ADGRL2: variants seen among roughly 807,000 people sequenced by gnomAD.
ADGRL2 encodes the protein calcium-independent alpha-latrotoxin receptor 2.
In ADGRL2, 44 loss-of-function variants were observed where a neutral mutation model predicts 157.4. That is an observed-to-expected ratio of 0.28 (90% confidence interval 0.22 to 0.36). ADGRL2 has a LOEUF of 0.36. ADGRL2 is among the 10% of genes least tolerant of loss of function. The pLI is 1.00. For missense variants in ADGRL2, 1,510 were observed against 1,768.9 expected (o/e 0.85, Z 2.63); for synonymous variants, 585 against 624.7 (o/e 0.94, Z 0.95).
chr1:81,581,650 G>A (rs1030973602), intron 3 of ADGRL2, among the ~76,000 whole-genome samples: 7 of 152,050 alleles, frequency 4.6e-5, no homozygotes, highest in Non-Finnish European at 8.8e-5. Flanking sequence ...GTGTTTCTGA[G>A]GAAAGCACAA....
intron 1 of ADGRL2, among the ~76,000 whole-genome samples, chr1:81,381,545 C>T (rs978862819): frequency 6.6e-6 from 1 of 152,188 alleles, no homozygotes; most frequent in Admixed American, 6.5e-5. Flanking sequence ...TGCACTCCAG[C>T]CTTGGGGGCA....
chr1:81,918,052 A>C (rs2094898818), intron 3 of ADGRL2, among the ~76,000 whole-genome samples: 1 of 152,154 alleles, frequency 6.6e-6, no homozygotes, highest in Non-Finnish European at 1.5e-5. Flanking sequence ...ATGGTGGCTT[A>C]GGAATAGCCA....
intron 4 of ADGRL2, among the ~76,000 whole-genome samples, chr1:81,939,301 C>A (rs1444906125): frequency 6.6e-6 from 1 of 151,352 alleles, no homozygotes; most frequent in African/African-American, 2.4e-5. Flanking sequence ...ATTGTCATTG[C>A]CAGACTGTTA....
intron 2 of ADGRL2, among the ~76,000 whole-genome samples, chr1:81,880,276 T>C (rs925996373): frequency 4.6e-5 from 7 of 152,318 alleles, no homozygotes; most frequent in African/African-American, 1.7e-4. Context: ...CTCAAATAGT[T>C]GGACACTTTC....
intron 3 of ADGRL2, among the ~76,000 whole-genome samples, chr1:81,613,620 G>A (rs965934263): frequency 6.6e-6 from 1 of 152,144 alleles, no homozygotes. Context: ...CTCCTACTGC[G>A]GGACTAAGAA....
chr1:81,618,485 A>C (rs2081712893), intron 3 of ADGRL2, among the ~76,000 whole-genome samples: 1 of 152,226 alleles, frequency 6.6e-6, no homozygotes, highest in African/African-American at 2.4e-5. Flanking sequence ...AAAGGCAGAA[A>C]GGGGACCATA....
At chr1:81,872,126 G>A (rs1426720964) in intron 2 of ADGRL2, among the ~76,000 whole-genome samples, 2 of 152,274 alleles carry the variant, frequency 1.3e-5, no homozygotes. Context: ...TAAGGAAAGG[G>A]ATCCAGTTTC....
chr1:81,778,765 G>C (rs1347152705), intron 2 of ADGRL2, among the ~76,000 whole-genome samples: 2 of 152,070 alleles, frequency 1.3e-5, no homozygotes, highest in African/African-American at 2.4e-5. Flanking sequence ...ATAATTCATA[G>C]CGGTCAAGAG....
intron 2 of ADGRL2, among the ~76,000 whole-genome samples, chr1:81,580,469 C>G (rs1023163521): frequency 6.6e-6 from 1 of 151,664 alleles, no homozygotes; most frequent in Non-Finnish European, 1.5e-5. Flanking sequence ...ATGCTGGGTG[C>G]CCAGTTTTTG....
intron 1 of ADGRL2, among the ~76,000 whole-genome samples, chr1:81,803,217 C>G (rs1207924311): frequency 6.6e-6 from 1 of 151,978 alleles, no homozygotes; most frequent in Non-Finnish European, 1.5e-5. Context: ...GCTGCCCGAG[C>G]GTGGGCTCCT....
rs569911648 is a variant in ADGRL2 at position 81,443,201 on chromosome 1, A to G, written c.-301-1835A>G. 1.9e-3 allele frequency among the ~76,000 whole-genome samples: 282 copies of G among 152,288 alleles called. 1 individual carries two copies. The highest frequency in any genetic ancestry group is 6.5e-3 in the African/African-American group (271 of 41,554). ...TTTGGGAGGCCAATGTGGGTGGATC[A>G]CCTGAAGTCAAGAGTTCGAGATCAG... On this transcript the variant is annotated intron_variant, in intron 1 of 24. Coordinates refer to the ADGRL2 transcript ENST00000370721.
At chr1:81,871,523 A>C (rs2093694213) in intron 2 of ADGRL2, among the ~76,000 whole-genome samples, 1 of 152,144 alleles carries the variant, frequency 6.6e-6, no homozygotes. Flanking sequence ...GTCTTCCACA[A>C]TGGTTGAACT....
chr1:81,559,831 C>A (rs896467343), intron 2 of ADGRL2, among the ~76,000 whole-genome samples: 1 of 152,102 alleles, frequency 6.6e-6, no homozygotes, highest in African/African-American at 2.4e-5. Flanking sequence ...ACACGGCCAC[C>A]ACATCTAAGG....
In ADGRL2 at chr1:81,400,316, T is replaced by C. The variant is rs1447240902; in HGVS notation, c.-301-44720T>C. ...TGTCAAGACTCAGAGTCTGTGAACC[T>C]ATGGTAGCACCTGGACTTTGGGATT... On this transcript the variant is annotated intron_variant, in intron 1 of 24. Coordinates refer to the ADGRL2 transcript ENST00000370721. Among the ~76,000 whole-genome samples the C allele has an allele frequency of 2.0e-5, 3 of 152,152 alleles. No homozygotes were observed. The East Asian group carries it at 5.8e-4, about 30-fold the overall frequency.
At chr1:81,940,593 G>A (rs760610654) in intron 4 of ADGRL2, among the ~76,000 whole-genome samples, 1 of 151,558 alleles carries the variant, frequency 6.6e-6, no homozygotes, top group Non-Finnish European at 1.5e-5. Context: ...TTCGTGTGAT[G>A]TTTTTTCCCA....
chr1:81,477,583 A>G (rs756947867), intron 2 of ADGRL2, among the ~76,000 whole-genome samples: 13 of 152,212 alleles, frequency 8.5e-5, no homozygotes, highest in Non-Finnish European at 1.8e-4. Context: ...ACAGACTCCT[A>G]AAGTTCACAA....
At chr1:81,663,060 A>T (rs898819214) in intron 3 of ADGRL2, among the ~76,000 whole-genome samples, 2 of 32,604 alleles carry the variant, frequency 6.1e-5, no homozygotes, top group Admixed American at 3.2e-4. Flanking sequence ...CCTCCCTCCC[A>T]CCCCCACCAT....
At chr1:81,378,702 T>A (rs1365494636) in intron 1 of ADGRL2, among the ~76,000 whole-genome samples, 1 of 152,026 alleles carries the variant, frequency 6.6e-6, no homozygotes, top group African/African-American at 2.4e-5. Context: ...ATATACCTCA[T>A]TGGGAAAACT....
intron 1 of ADGRL2, among the ~76,000 whole-genome samples, chr1:81,326,038 C>G (rs1440063642): frequency 2.0e-5 from 3 of 152,078 alleles, no homozygotes; most frequent in Non-Finnish European, 4.4e-5. Flanking sequence ...TAGGAAGATT[C>G]TTTAGTGTGG....
Sources: gnomAD v4.1 joint callset for allele counts (sites outside exome capture counted in the v4.1 genomes callset) on GRCh38, gnomAD v4.1.1 for gene constraint, MANE v1.5 for transcripts, NCBI Gene and HGNC (gene_info 2026-07-23, HGNC 2026-07-21) for gene names.